Variants in ADAMTS17 observed in about 807,000 individuals in gnomAD.
ADAMTS17 encodes the protein ADAM metallopeptidase with thrombospondin type 1 motif 17, also known as A disintegrin and metalloproteinase with thrombospondin motifs 17.
A neutral mutation model predicts 141.5 loss-of-function variants in ADAMTS17; 113 were observed. The ratio of observed to expected loss-of-function variants is 0.80; its 90% CI spans 0.69 to 0.93. The LOEUF is 0.93. ADAMTS17 is among the 40% of genes least tolerant of loss of function. The pLI is 0.00. For missense variants in ADAMTS17, 1,659 were observed against 1,517.9 expected, an observed-to-expected ratio of 1.09 and a Z score of -1.54; for synonymous variants, 768 against 630.6, an observed-to-expected ratio of 1.22 and a Z score of -3.27.
At chr15:100,111,373 T>C (rs753201224) in intron 13 of ADAMTS17, among the ~76,000 whole-genome samples, 2 of 152,222 alleles carry the variant, frequency 1.3e-5, no homozygotes, top group Non-Finnish European at 2.9e-5. Flanking sequence ...GCAGCTGTCC[T>C]TCCACTTGCA....
chr15:100,002,011 A>G (rs904528654), intron 18 of ADAMTS17, among the ~76,000 whole-genome samples: 5 of 150,056 alleles, frequency 3.3e-5, no homozygotes, highest in African/African-American at 9.8e-5. Flanking sequence ...AAAAAAAAAA[A>G]AAAAAGAAAA....
chr15:100,062,793 G>A (rs553098886), intron 15 of ADAMTS17, among the ~76,000 whole-genome samples: 4 of 152,320 alleles, frequency 2.6e-5, no homozygotes, highest in East Asian at 3.9e-4. Flanking sequence ...CAGCTCAGAA[G>A]AGGGGTGCCT....
chr15:100,170,160 G>A (rs768541154), intron 8 of ADAMTS17, among the ~76,000 whole-genome samples: 8 of 152,118 alleles, frequency 5.3e-5, no homozygotes, highest in Admixed American at 1.3e-4. Flanking sequence ...TGGGGTGGGG[G>A]TAGAGAACTT....
intron 7 of ADAMTS17, among the ~76,000 whole-genome samples, chr15:100,205,309 G>A (rs1170617513): frequency 6.6e-6 from 1 of 152,178 alleles, no homozygotes; most frequent in Non-Finnish European, 1.5e-5. Flanking sequence ...TTGGCCCTGG[G>A]ATTTACAAGT....
chr15:100,118,455 G>A (rs2037277828), intron 12 of ADAMTS17, among the ~76,000 whole-genome samples: 1 of 152,194 alleles, frequency 6.6e-6, no homozygotes, highest in South Asian at 2.1e-4. Context: ...AAACCTACTG[G>A]TGGCCCCATA....
intron 15 of ADAMTS17, among the ~76,000 whole-genome samples, chr15:100,073,557 T>C (rs2034142111): frequency 6.6e-6 from 1 of 151,874 alleles, no homozygotes; most frequent in African/African-American, 2.4e-5. Flanking sequence ...ATGTGGCACA[T>C]ATACACCATG....
chr15:100,180,587 G>A (rs1421581977), intron 8 of ADAMTS17, among the ~76,000 whole-genome samples: 1 of 152,090 alleles, frequency 6.6e-6, no homozygotes. Context: ...GGATTGCACT[G>A]AATCTGTAGA....
rs2044475779 is a variant in ADAMTS17 at position 100,287,229 on chromosome 15, C to G, written c.617-5828G>C. The stretch of plus-strand genomic sequence containing the variant: ...AGATCTGATGGAGCTGAAAATCTCA[C>G]TACAAGAATTTCATAATGCAATCGC... On this transcript the variant is annotated intron_variant, in intron 3 of 21. Coordinates refer to ENST00000268070, the MANE Select transcript of ADAMTS17 (RefSeq NM_139057.4). Among the ~76,000 whole-genome samples the G allele has an allele frequency of 2.0e-5, 3 of 152,244 alleles. No individual in the cohort carries two copies. In the South Asian group the frequency reaches 6.2e-4, roughly 32 times the overall value.
At chr15:100,240,974 C>T (rs1021428668) in intron 7 of ADAMTS17, among the ~76,000 whole-genome samples, 3 of 152,066 alleles carry the variant, frequency 2.0e-5, no homozygotes, top group African/African-American at 4.8e-5. Context: ...TACAGGTGCC[C>T]GCCACCAAGC....
Position 100,219,845 on chromosome 15 carries a change from T to C in ADAMTS17, c.1076-20422A>G, listed in dbSNP as rs557558006. Among the ~76,000 whole-genome samples the C allele has an allele frequency of 1.3e-4, 19 of 151,608 alleles. No individual in the cohort carries two copies. The South Asian group carries it at 1.9e-3, about 15-fold the overall frequency. ...CAAAAAGATACAAACCATTCATCCC[T>C]CTAGTTCCTTTTCTTCCTTTAATCC... On this transcript the variant is annotated intron_variant, in intron 7 of 21. Coordinates refer to ENST00000268070, the MANE Select transcript of ADAMTS17 (RefSeq NM_139057.4).
At chr15:100,042,173 T>C (rs2031315837) in intron 18 of ADAMTS17, among the ~76,000 whole-genome samples, 1 of 152,216 alleles carries the variant, frequency 6.6e-6, no homozygotes. Context: ...TCCCCGATTT[T>C]CTGGCACTCA....
At chr15:100,102,580 A>G (rs915633244) in intron 14 of ADAMTS17, among the ~76,000 whole-genome samples, 4 of 150,934 alleles carry the variant, frequency 2.7e-5, no homozygotes, top group Middle Eastern at 3.2e-3. Context: ...TCTACATTTG[A>G]AGGCCTACTG....
At chr15:100,340,936 A>C in intron 2 of ADAMTS17, 103 bp downstream of exon 2, 2 of 1,476,142 alleles carry the variant, frequency 1.4e-6, no homozygotes, top group East Asian at 5.2e-5. Flanking sequence ...GTTCCCCTGG[A>C]GGCTGGACTT....
intron 7 of ADAMTS17, among the ~76,000 whole-genome samples, chr15:100,227,124 A>G (rs1165520907): frequency 2.0e-5 from 3 of 152,156 alleles, no homozygotes; most frequent in Non-Finnish European, 4.4e-5. Context: ...AGCACTGATG[A>G]ACCCCGAGTG....
intron 15 of ADAMTS17, among the ~76,000 whole-genome samples, chr15:100,088,874 A>G (rs551869458): frequency 6.6e-6 from 1 of 151,702 alleles, no homozygotes; most frequent in East Asian, 1.9e-4. Flanking sequence ...TGAGACCTAA[A>G]CCAGAAAAAC....
At chr15:100,253,189 G>A (rs2043206346) in intron 7 of ADAMTS17, among the ~76,000 whole-genome samples, 1 of 151,456 alleles carries the variant, frequency 6.6e-6, no homozygotes, top group African/African-American at 2.4e-5. Flanking sequence ...AAAGGTTCGC[G>A]TTATGGCAGG....
intron 3 of ADAMTS17, among the ~76,000 whole-genome samples, chr15:100,313,539 A>G (rs1244230476): frequency 6.6e-6 from 1 of 152,204 alleles, no homozygotes; most frequent in Non-Finnish European, 1.5e-5. Context: ...AAATAAATAA[A>G]TGTAGAATGA....
intron 14 of ADAMTS17, among the ~76,000 whole-genome samples, chr15:100,107,743 A>C (rs2036496707): frequency 6.6e-6 from 1 of 152,146 alleles, no homozygotes; most frequent in South Asian, 2.1e-4. Flanking sequence ...GCGACCCCTC[A>C]TCAGATCCCA....
intron 3 of ADAMTS17, among the ~76,000 whole-genome samples, chr15:100,308,625 A>G (rs1303022584): frequency 1.3e-5 from 2 of 152,186 alleles, no homozygotes; most frequent in African/African-American, 4.8e-5. Flanking sequence ...AGAAATCTGT[A>G]CTGTCAGTGT....
Sources: allele counts gnomAD v4.1 joint callset (sites outside exome capture counted in the v4.1 genomes callset), GRCh38; gene constraint gnomAD v4.1.1; transcripts MANE v1.5; gene names NCBI Gene and HGNC (gene_info 2026-07-23, HGNC 2026-07-21).